The following A2ML1 variants were observed in gnomAD, a reference collection of about 807,000 sequenced individuals.
A2ML1 encodes the protein alpha-2-macroglobulin like 1, also known as alpha-2-macroglobulin-like protein 1.
A2ML1 carries 161 observed loss-of-function variants against 181.9 expected under a neutral mutation model. The observed-to-expected ratio is 0.89, with a 90% CI of 0.78 to 1.01. The LOEUF (loss-of-function observed/expected upper bound fraction) is 1.01, where lower values mean the gene tolerates loss of function less well. Among genes scored for constraint, A2ML1 ranks in the 50% least tolerant of loss-of-function variants. The probability of loss-of-function intolerance (pLI) is 0.00; values close to 1 mark genes in which losing one functional copy is unlikely to be tolerated. For missense variants in A2ML1, 1,670 were observed against 1,768.1 expected, an observed-to-expected ratio of 0.94 and a Z score of 1.00; for synonymous variants, 663 against 666.8, an observed-to-expected ratio of 0.99 and a Z score of 0.09.
At chr12:8,844,485 T>G (rs745822938) in intron 12 of A2ML1, among the ~76,000 whole-genome samples, 2 of 152,192 alleles carry the variant, frequency 1.3e-5, no homozygotes, top group Admixed American at 1.3e-4. Context: ...AGCAGCCTCA[T>G]TGGGGAAATA....
chr12:8,858,223 C>A, intron 26 of A2ML1, 121 bp downstream of exon 26: 2 of 1,220,606 alleles, frequency 1.6e-6, no homozygotes, highest in Non-Finnish European at 2.2e-6. Flanking sequence ...TCCACTGTGG[C>A]TCTGGGTGAC....
At position 8,852,113 on chromosome 12, in the gene A2ML1, G is replaced by C; in HGVS notation, c.2464-97G>C. ...AAGCATCCCAATTTTCCCTGGGAAA[G>C]AGAGGAGATGTCGGCGTCTCAGCCC... On this transcript the variant is annotated intron_variant, in intron 19 of 35. Coordinates refer to ENST00000299698, the MANE Select transcript of A2ML1 (RefSeq NM_144670.6). The surrounding 1 kb of genome is among the most constrained non-coding windows in gnomAD (Gnocchi z 4.2). The C allele has an allele frequency of 6.3e-7, 1 of 1,589,540 alleles. No individual in the cohort carries two copies. Among genetic ancestry groups the C allele is most frequent in the Non-Finnish European group, 8.6e-7 (1 of 1,164,214 alleles).
At chr12:8,871,050 C>T (rs776720711) in intron 33 of A2ML1, among the ~76,000 whole-genome samples, 43 of 152,280 alleles carry the variant, frequency 2.8e-4, no homozygotes, top group Admixed American at 5.2e-4. Context: ...ACACTATAAG[C>T]GTCCCTCTAG....
chr12:8,858,030 G>A lies in A2ML1; in HGVS notation c.3192G>A (p.Lys1064=), dbSNP rs1944130308. The change falls in exon 26 of 36, where the codon AAG becomes AAA. Residue 1064 remains lysine (K), a synonymous_variant. Transcript: ENST00000299698. Reference sequence around the variant, plus strand: ...CCAAGAACATCCAGGATGCTCTCAAGTGGATGGCAGGAAACCAGCTCCCCA... The same window carrying A: ...CCAAGAACATCCAGGATGCTCTCAAATGGATGGCAGGAAACCAGCTCCCCA... The part of the protein sequence containing the change: ...IDPKNIQDAL[K]WMAGNQLPSG... 1 of 1,614,030 alleles carries A rather than the reference G, an allele frequency of 6.2e-7. No homozygotes were observed. The highest frequency in any genetic ancestry group is 1.7e-5 in the Admixed American group (1 of 59,978).
intron 21 of A2ML1, 50 bp downstream of exon 21, chr12:8,854,299 C>T: frequency 6.5e-7 from 1 of 1,535,534 alleles, no homozygotes. Context: ...GGATGCTCAG[C>T]ATCTCGTCTT....
rs776049336 is a variant in A2ML1 at position 8,868,758 on chromosome 12, ATATG to A, written c.4152+139_4152+142del. The stretch of plus-strand genomic sequence containing the variant: ...ACAAGGCATGTATATACATACATAT[ATATG>A]TATGTATATGTATGTACACTTGTAA... On this transcript the variant is annotated intron_variant, in intron 32 of 35. Transcript: ENST00000299698. The A allele has an allele frequency of 2.6e-4, 171 of 647,264 alleles. 1 individual carries two copies. The African/African-American group carries it at 2.9e-3, about 11-fold the overall frequency. 40.1% of individuals were successfully genotyped at this position (647,264 alleles called of 1,614,324 possible).
rs1943459220 is a variant in A2ML1 at position 8,841,017 on chromosome 12, A to AGGAAGGAAGGAAGGAAGGAC, written c.1081-333_1081-332insCGGAAGGAAGGAAGGAAGGA. Reference sequence around the variant, plus strand: ...AAGGAAGGAAGGAAGGAAGGACGGAAGGAAGGAAGGAAGGAAGGAAAGAAA... The same window carrying AGGAAGGAAGGAAGGAAGGAC: ...AAGGAAGGAAGGAAGGAAGGACGGAAGGAAGGAAGGAAGGAAGGACGGAAGGAAGGAAGGAAGGAAAGAAA... On this transcript the variant is annotated intron_variant, in intron 10 of 35. Transcript: ENST00000299698. Among the ~76,000 whole-genome samples the AGGAAGGAAGGAAGGAAGGAC allele has an allele frequency of 5.7e-4, 8 of 14,074 alleles. No homozygotes were observed. In the East Asian group the frequency reaches 0.035, roughly 61 times the overall value. 9.2% of individuals were successfully genotyped at this position (14,074 alleles called of 152,430 possible).
intron 33 of A2ML1, among the ~76,000 whole-genome samples, chr12:8,873,668 G>A (rs1308535904): frequency 6.6e-6 from 1 of 152,142 alleles, no homozygotes; most frequent in East Asian, 1.9e-4. Flanking sequence ...GTGCTGGTGG[G>A]GCAGGCCAGG....
chr12:8,834,562 G>A, intron 4 of A2ML1, 100 bp from the exon 5 acceptor site: 2 of 1,425,522 alleles, frequency 1.4e-6, no homozygotes, highest in Non-Finnish European at 2.0e-6. Context: ...AAATGGGCAA[G>A]AGGGAAAGGA....
chr12:8,849,624 TG>T, intron 16 of A2ML1, 44 bp from the exon 17 acceptor site: 2 of 1,497,916 alleles, frequency 1.3e-6, no homozygotes, highest in Non-Finnish European at 1.9e-6. Flanking sequence ...CCCTTGTAGT[TG>T]GGGAAGGGAC....
rs1350827248 is a variant in A2ML1, at chr12:8,849,772, T to C, written c.2119+13T>C. The C allele has an allele frequency of 6.2e-7, 1 of 1,610,860 alleles. No individual in the cohort carries two copies. The highest frequency in any genetic ancestry group is 1.7e-5 in the Admixed American group (1 of 59,964). Reference sequence around the variant, plus strand: ...ACTGCTATGGGTGGTAAGCCACCTCTGTGGTCTGTGGATTCTCTGAGATGT... The same window carrying C: ...ACTGCTATGGGTGGTAAGCCACCTCCGTGGTCTGTGGATTCTCTGAGATGT... On this transcript the variant is annotated intron_variant, in intron 17 of 35. Transcript: ENST00000299698.
At chr12:8,828,665 TAGA>T (rs771380824) in intron 3 of A2ML1, among the ~76,000 whole-genome samples, 7 of 152,040 alleles carry the variant, frequency 4.6e-5, no homozygotes, top group African/African-American at 4.8e-5. Context: ...TTTTCTCAAG[TAGA>T]AGGAGTCTCT....
chr12:8,868,426 G>A (rs1192928673), intron 31 of A2ML1, 69 bp downstream of exon 31: 1 of 1,586,820 alleles, frequency 6.3e-7, no homozygotes, highest in Admixed American at 1.8e-5. Context: ...GGACACTTGT[G>A]TGTGTGTGTG....
At chr12:8,845,145 T>C in intron 12 of A2ML1, 1 of 1,488,558 alleles carries the variant, frequency 6.7e-7, no homozygotes, top group Non-Finnish European at 8.9e-7. Flanking sequence ...AATTTGGAGA[T>C]CTTCAAGAAA....
At chr12:8,832,973 A>G (rs1365813057) in intron 4 of A2ML1, among the ~76,000 whole-genome samples, 2 of 61,394 alleles carry the variant, frequency 3.3e-5, no homozygotes, top group African/African-American at 1.1e-4. Context: ...CGGAAATGCT[A>G]CTTTCCTTTT....
intron 8 of A2ML1, among the ~76,000 whole-genome samples, chr12:8,837,878 C>T (rs1421412506): frequency 7.8e-6 from 1 of 128,932 alleles, no homozygotes; most frequent in Non-Finnish European, 1.6e-5. Context: ...ACACTCAGTC[C>T]CCCTCCCCCA....
intron 29 of A2ML1, among the ~76,000 whole-genome samples, chr12:8,866,564 C>T (rs147785242): frequency 1.4e-4 from 22 of 152,140 alleles, no homozygotes; most frequent in African/African-American, 5.1e-4. Context: ...CCTTGGCTAT[C>T]ACAAGAAGTC....
chr12:8,881,478 T>C (rs1944869366), downstream of A2ML1, among the ~76,000 whole-genome samples: 1 of 152,204 alleles, frequency 6.6e-6, no homozygotes, highest in South Asian at 2.1e-4. Context: ...TCTCTTGTCA[T>C]ATAAGTTATT....
intron 28 of A2ML1, among the ~76,000 whole-genome samples, chr12:8,862,191 T>C (rs10842411): frequency 1.3e-5 from 2 of 152,012 alleles, no homozygotes; most frequent in African/African-American, 4.8e-5. Flanking sequence ...AAATATTTTT[T>C]AAATTTTTTA....
Sources: allele counts gnomAD v4.1 joint callset (sites outside exome capture counted in the v4.1 genomes callset), GRCh38; gene constraint gnomAD v4.1.1; non-coding constraint Gnocchi (gnomAD v3.1); transcripts MANE v1.5; gene names NCBI Gene and HGNC (gene_info 2026-07-23, HGNC 2026-07-21).